The following KIAA0753 variants were observed in gnomAD, a reference collection of about 807,000 sequenced individuals.
The protein encoded by KIAA0753 is protein moonraker.
A neutral mutation model predicts 116.9 loss-of-function variants in KIAA0753; 114 were observed. The observed-to-expected ratio is 0.98, with a 90% confidence interval of 0.84 to 1.14. The LOEUF (loss-of-function observed/expected upper bound fraction) is 1.14, where lower values mean the gene tolerates loss of function less well. Ranked by LOEUF, KIAA0753 falls within the 50% of genes most tolerant of loss-of-function variation. KIAA0753 has a pLI of 0.00. For synonymous variants in KIAA0753, 405 were observed against 413.1 expected, an observed-to-expected ratio of 0.98 and a Z score of 0.24; for missense variants, 1,156 against 1,172.4, an observed-to-expected ratio of 0.99 and a Z score of 0.20.
rs1437638097 is a variant in KIAA0753, at chr17:6,628,122, T to C, written c.713A>G (p.Lys238Arg). The change falls in exon 3 of 19, where the codon AAA becomes AGA. Residue 238 changes from lysine to arginine, a missense_variant. Physicochemically the swap from Lys to Arg is conservative, Grantham distance 26. Transcript: ENST00000361413. ...AAGAATCTAATTTTTCTCACCTTTT[T>C]TAGTTACCTCTTCAATTTTGTGGAT... ...SCIHKIEEVT[K>R]KDRLEEALDP... 8 of 1,605,720 alleles carry C rather than the reference T, an allele frequency of 5.0e-6. No individual in the cohort carries two copies. In the African/African-American group the frequency reaches 8.1e-5, roughly 16 times the overall value.
Position 6,628,561 on chromosome 17 carries a change from T to C in KIAA0753, c.274A>G (p.Ile92Val), listed in dbSNP as rs770964465. 9.9e-6 allele frequency: 16 copies of C among 1,614,120 alleles called. No homozygotes were observed. The African/African-American group carries it at 1.5e-4, about 15-fold the overall frequency. The stretch of plus-strand genomic sequence containing the variant: ...GCATAGCTAAGTCTCTCTTGGGATA[T>C]GACGGAAAATGAAACAGAACTGCCC... ...DLGSSVSFSVISQERLSYAVH... is the reference protein window; with the variant it reads ...DLGSSVSFSVVSQERLSYAVH... Residue 92 changes from isoleucine to valine, a missense_variant, in exon 3 of 19, where the codon ATA becomes GTA. Physicochemically the swap from Ile to Val is conservative, Grantham distance 29. Transcript: ENST00000361413.
chr17:6,635,036 C>T lies in KIAA0753; in HGVS notation c.68G>A (p.Ser23Asn). The T allele has an allele frequency of 1.2e-6, 2 of 1,613,004 alleles. No homozygotes were observed. The highest frequency in any genetic ancestry group is 1.7e-6 in the Non-Finnish European group (2 of 1,179,000). ...CTGGGTCTGAAGTACTTTGGGGTCG[C>T]TCCTCCCATCAAGTTGGGTCCTAGG... The part of the protein sequence containing the change: ...LAPRTQLDGR[S>N]DPKVLQTQNQ... The change falls in exon 2 of 19, where the codon AGC (serine) becomes AAC (asparagine). Residue 23 changes from serine (S) to asparagine (N), a missense_variant. Transcript: ENST00000361413.
chr17:6,596,414 A>G, intron 14 of KIAA0753, 71 bp from the exon 15 acceptor site: 1 of 1,186,080 alleles, frequency 8.4e-7, no homozygotes, highest in Non-Finnish European at 1.2e-6. Context: ...TATAATGAAA[A>G]CAGAAAAACA....
chr17:6,622,771 T>C (rs1230463054), intron 6 of KIAA0753, 111 bp downstream of exon 6: 5 of 901,686 alleles, frequency 5.5e-6, no homozygotes, highest in Non-Finnish European at 8.9e-6. Flanking sequence ...AAAGCTTTAA[T>C]TCACTAGGTA....
At chr17:6,598,996 G>C (rs907476453) in intron 14 of KIAA0753, among the ~76,000 whole-genome samples, 1 of 152,232 alleles carries the variant, frequency 6.6e-6, no homozygotes, top group Non-Finnish European at 1.5e-5. Context: ...CCAGAGGAAG[G>C]ATAGAGCCAC....
chr17:6,582,546 G>C (rs72830354), intron 18 of KIAA0753, among the ~76,000 whole-genome samples: 1 of 151,804 alleles, frequency 6.6e-6, no homozygotes, highest in African/African-American at 2.4e-5. Flanking sequence ...TTGTTTTTTC[G>C]CTAATCTGAC....
At chr17:6,608,814 G>A (rs1032814215) in intron 9 of KIAA0753, among the ~76,000 whole-genome samples, 9 of 152,110 alleles carry the variant, frequency 5.9e-5, no homozygotes, top group African/African-American at 1.7e-4. Flanking sequence ...ATCTTTATAA[G>A]GCCTAACAGC....
Position 6,578,465 on chromosome 17 carries a change from A to T in KIAA0753, c.*1282T>A, listed in dbSNP as rs1967918869. ...CCCCAGGTTAAACACCCTGTAATTT[A>T]CCTTGAAGCTCTTTACATTCTGAAG... On this transcript the variant is annotated 3_prime_UTR_variant, in exon 19 of 19. Coordinates refer to ENST00000361413, the MANE Select transcript of KIAA0753 (RefSeq NM_014804.3). The T allele has an allele frequency of 2.0e-5, 3 of 152,258 alleles. No homozygotes were observed. In the South Asian group the frequency reaches 6.2e-4, roughly 31 times the overall value. The allele number at this position is 152,258 out of a possible 1,614,324, so 9.4% of individuals were successfully genotyped here.
chr17:6,628,841 C>A, intron 2 of KIAA0753, 100 bp from the exon 3 acceptor site: 1 of 1,185,630 alleles, frequency 8.4e-7, no homozygotes, highest in Non-Finnish European at 1.2e-6. Flanking sequence ...GCCACCAGAT[C>A]ATTAGTGCTA....
At chr17:6,615,260 G>A (rs1970812356) in intron 7 of KIAA0753, among the ~76,000 whole-genome samples, 2 of 152,010 alleles carry the variant, frequency 1.3e-5, no homozygotes. Context: ...GTGTATCCAT[G>A]CTGTAGACGC....
chr17:6,628,561 T>G lies in KIAA0753; in HGVS notation c.274A>C (p.Ile92Leu). 6.2e-7 allele frequency: 1 copy of G among 1,614,238 alleles called. No individual in the cohort carries two copies. The highest frequency in any genetic ancestry group is 8.5e-7 in the Non-Finnish European group (1 of 1,180,034). Residue 92 changes from isoleucine to leucine, a missense_variant, in exon 3 of 19, where the codon ATA becomes CTA. Ile to Leu is a conservative substitution (Grantham distance 5). Transcript: ENST00000361413. ...GCATAGCTAAGTCTCTCTTGGGATA[T>G]GACGGAAAATGAAACAGAACTGCCC... ...DLGSSVSFSV[I>L]SQERLSYAVH...
chr17:6,590,058 A>T, intron 17 of KIAA0753, 55 bp from the exon 18 acceptor site: 1 of 1,327,656 alleles, frequency 7.5e-7, no homozygotes, highest in Admixed American at 2.6e-5. Context: ...AGCAAGACTA[A>T]ACTGTTAATT....
intron 9 of KIAA0753, among the ~76,000 whole-genome samples, chr17:6,609,722 A>C (rs1310867220): frequency 6.6e-6 from 1 of 152,240 alleles, no homozygotes; most frequent in African/African-American, 2.4e-5. Context: ...AGACAAGTGA[A>C]GGGAAGCCCC....
chr17:6,606,194 A>T (rs1236364097), intron 12 of KIAA0753, among the ~76,000 whole-genome samples: 1 of 152,174 alleles, frequency 6.6e-6, no homozygotes, highest in Non-Finnish European at 1.5e-5. Flanking sequence ...AATCTTTACT[A>T]CAGACAAAAA....
rs1322214017 is a variant in KIAA0753 at position 6,628,470 on chromosome 17, A to C, written c.365T>G (p.Leu122Arg). The change falls in exon 3 of 19, where the codon CTC becomes CGC. Residue 122 changes from leucine to arginine, a missense_variant. By Grantham distance (102) the Leu-to-Arg change is moderately radical. Transcript: ENST00000361413. ...QFEKHIKEHH[L>R]RSQPQSSQKC... is the part of the protein sequence containing the mutation. ...CTGAGAGCTTTGAGGCTGACTTCTG[A>C]GATGATGTTCTTTTATATGTTTTTC... 1 of 1,614,008 alleles carries C rather than the reference A, an allele frequency of 6.2e-7. No individual in the cohort carries two copies. The highest frequency in any genetic ancestry group is 1.7e-5 in the Admixed American group (1 of 60,000).
At chr17:6,589,627 A>C (rs1178196018) in intron 18 of KIAA0753, 152 bp downstream of exon 18, 12 of 564,296 alleles carry the variant, frequency 2.1e-5, no homozygotes, top group Non-Finnish European at 2.1e-5. Flanking sequence ...CTGAAAATAG[A>C]GAGCCTGTCT....
intron 18 of KIAA0753, among the ~76,000 whole-genome samples, chr17:6,581,666 G>A (rs1404426656): frequency 1.3e-5 from 2 of 152,082 alleles, no homozygotes; most frequent in South Asian, 2.1e-4. Context: ...GCTTTCCCTT[G>A]TCTTTTACTT....
At chr17:6,633,620 A>T (rs539396004) in intron 2 of KIAA0753, among the ~76,000 whole-genome samples, 8 of 152,318 alleles carry the variant, frequency 5.3e-5, no homozygotes, top group African/African-American at 1.7e-4. Flanking sequence ...AATAATCCCA[A>T]ATTGGAAGCA....
Position 6,626,063 on chromosome 17 carries a change from T to C in KIAA0753, c.719-1202A>G, listed in dbSNP as rs560378907. 5.3e-5 allele frequency among the ~76,000 whole-genome samples: 8 copies of C among 152,338 alleles called. No homozygotes were observed. In the South Asian group the frequency reaches 1.7e-3, roughly 32 times the overall value. The stretch of plus-strand genomic sequence containing the variant: ...CATATTAAGATAGCAAGTCTCAAAA[T>C]TATTTGAGTGTCTAGAGTCTTCATG... On this transcript the variant is annotated intron_variant, in intron 3 of 18. Coordinates refer to ENST00000361413, the MANE Select transcript of KIAA0753 (RefSeq NM_014804.3).
Sources: gnomAD v4.1 joint callset for allele counts (sites outside exome capture counted in the v4.1 genomes callset) on GRCh38, gnomAD v4.1.1 for gene constraint, MANE v1.5 for transcripts, NCBI Gene and HGNC (gene_info 2026-07-23, HGNC 2026-07-21) for gene names.